DLGAP1: variants seen among roughly 807,000 people sequenced by gnomAD.
The protein encoded by DLGAP1 is DLG associated protein 1.
DLGAP1 carries 11 observed loss-of-function variants against 90.8 expected under a neutral mutation model. The ratio of observed to expected loss-of-function variants is 0.12; its 90% confidence interval spans 0.08 to 0.20. The LOEUF (loss-of-function observed/expected upper bound fraction) is 0.20, where lower values mean the gene tolerates loss of function less well. Among genes scored for constraint, DLGAP1 ranks in the 10% least tolerant of loss-of-function variants. DLGAP1 has a pLI of 1.00. For synonymous variants in DLGAP1, 558 were observed against 540.7 expected (o/e 1.03, Z -0.44); for missense variants, 1,050 against 1,333.8 (o/e 0.79, Z 3.31).
chr18:3,741,021 CACCACCACCACCACCA>C (rs2062911584), intron 6 of DLGAP1, among the ~76,000 whole-genome samples: 2 of 79,620 alleles, frequency 2.5e-5, no homozygotes, highest in Non-Finnish European at 5.1e-5. Context: ...CCACCATCAC[CACCACCACCACCACCA>C]TCACCTCACC....
At chr18:4,376,643 GC>G (rs1337415204) in intron 1 of DLGAP1, among the ~76,000 whole-genome samples, 1 of 152,148 alleles carries the variant, frequency 6.6e-6, no homozygotes, top group African/African-American at 2.4e-5. Flanking sequence ...AGAATAACTG[GC>G]CTTCAGTCTT....
At chr18:3,823,061 G>A (rs1292465598) in intron 4 of DLGAP1, among the ~76,000 whole-genome samples, 5 of 152,182 alleles carry the variant, frequency 3.3e-5, no homozygotes, top group Admixed American at 6.5e-5. Context: ...TAGTGAATAC[G>A]TATAGGTTTA....
At chr18:4,171,229 T>C (rs1466239603) in intron 1 of DLGAP1, among the ~76,000 whole-genome samples, 3 of 152,090 alleles carry the variant, frequency 2.0e-5, no homozygotes. Flanking sequence ...AAGGCCTCTT[T>C]AATTGTTAAA....
intron 1 of DLGAP1, among the ~76,000 whole-genome samples, chr18:4,271,196 C>T (rs754969518): frequency 5.3e-5 from 8 of 152,112 alleles, no homozygotes; most frequent in African/African-American, 4.8e-5. Context: ...GATCCAATCC[C>T]GAGAGGTCCT....
At chr18:4,435,338 C>A (rs2083376730) in intron 1 of DLGAP1, among the ~76,000 whole-genome samples, 1 of 151,902 alleles carries the variant, frequency 6.6e-6, no homozygotes. Context: ...GCTTGAGCAA[C>A]TATAAGGATG....
chr18:4,384,214 T>C (rs1206147175), intron 1 of DLGAP1, among the ~76,000 whole-genome samples: 4 of 152,148 alleles, frequency 2.6e-5, no homozygotes, highest in Non-Finnish European at 5.9e-5. Flanking sequence ...GGGAGGACAT[T>C]TGCAGAGCTA....
chr18:4,253,554 A>G (rs8090526), intron 1 of DLGAP1, among the ~76,000 whole-genome samples: 59,826 of 151,842 alleles, frequency 0.39, 16,602 homozygotes, highest in African/African-American at 0.79. Flanking sequence ...GGGATTACAG[A>G]TGCACACCAC....
At chr18:4,423,850 T>TAA (rs1567910445) in intron 1 of DLGAP1, among the ~76,000 whole-genome samples, 41 of 7,870 alleles carry the variant, frequency 5.2e-3, no homozygotes, top group Admixed American at 0.011. Flanking sequence ...GCCCAGGAAT[T>TAA]TAAAAAAAAA....
chr18:3,833,521 C>T (rs1287379168), intron 4 of DLGAP1, among the ~76,000 whole-genome samples: 1 of 152,158 alleles, frequency 6.6e-6, no homozygotes, highest in Non-Finnish European at 1.5e-5. Context: ...AGGTGTGAGC[C>T]ACCGCATCTG....
chr18:4,173,961 T>A (rs1424703555), intron 1 of DLGAP1, among the ~76,000 whole-genome samples: 1 of 152,180 alleles, frequency 6.6e-6, no homozygotes, highest in Non-Finnish European at 1.5e-5. Context: ...TGTATCACTA[T>A]TTACATAAGT....
rs1213913062 is a variant in DLGAP1, at chr18:3,775,506, T to C, written c.1173-32994A>G. Among the ~76,000 whole-genome samples, 1 of 152,206 alleles carries C rather than the reference T, an allele frequency of 6.6e-6. No individual in the cohort carries two copies. Among genetic ancestry groups the C allele is most frequent in the Non-Finnish European group, 1.5e-5 (1 of 68,050 alleles). ...GCTTCCCTTTCCCCTTCCACCATGA[T>C]TGTAAGTTTCCCGAGGCCTCACCAA... On this transcript the variant is annotated intron_variant, in intron 5 of 12. Coordinates refer to ENST00000315677, the MANE Select transcript of DLGAP1 (RefSeq NM_004746.4). The surrounding 1 kb of genome is among the most constrained non-coding windows in gnomAD (Gnocchi z 4.9).
rs188298198 is a variant in DLGAP1 at position 4,282,661 on chromosome 18, A to C, written c.-266-131374T>G. 6.8e-4 allele frequency among the ~76,000 whole-genome samples: 104 copies of C among 152,342 alleles called. 1 individual carries two copies. In the East Asian group the frequency reaches 0.019, roughly 27 times the overall value. ...AGAGTTTGCCATAGAAGCATTAACA[A>C]ATTTTTATATCTGTTGACAAAACCT... On this transcript the variant is annotated intron_variant, in intron 1 of 12. Transcript: ENST00000315677.
intron 1 of DLGAP1, among the ~76,000 whole-genome samples, chr18:4,421,616 T>A (rs2083033236): frequency 6.6e-6 from 1 of 152,078 alleles, no homozygotes; most frequent in South Asian, 2.1e-4. Context: ...TTTGAAAAAA[T>A]TTAAATTAGC....
At chr18:3,998,947 C>A (rs1285706373) in intron 3 of DLGAP1, among the ~76,000 whole-genome samples, 2 of 152,140 alleles carry the variant, frequency 1.3e-5, no homozygotes, top group Non-Finnish European at 2.9e-5. Context: ...ACTGGACAGA[C>A]AGGCTCAATA....
chr18:3,785,641 C>A (rs1232978184), intron 5 of DLGAP1, among the ~76,000 whole-genome samples: 2 of 152,060 alleles, frequency 1.3e-5, no homozygotes, highest in Non-Finnish European at 2.9e-5. Flanking sequence ...TTTGAATGAA[C>A]CTGGGAGGTA....
intron 7 of DLGAP1, among the ~76,000 whole-genome samples, chr18:3,611,416 G>A (rs780628765): frequency 2.0e-5 from 3 of 152,024 alleles, no homozygotes; most frequent in Non-Finnish European, 4.4e-5. Context: ...AGTCCTGACC[G>A]GCTCTACCAC....
intron 1 of DLGAP1, among the ~76,000 whole-genome samples, chr18:4,291,791 T>G (rs950155533): frequency 6.6e-6 from 1 of 152,176 alleles, no homozygotes; most frequent in Admixed American, 6.5e-5. Context: ...ACTTATAAAT[T>G]TAATGAATAT....
intron 10 of DLGAP1, among the ~76,000 whole-genome samples, chr18:3,533,130 A>C (rs1488436851): frequency 6.6e-6 from 1 of 152,184 alleles, no homozygotes; most frequent in Admixed American, 6.5e-5. Flanking sequence ...CGTCTCTACC[A>C]AAAATACAAA....
chr18:3,512,010 G>A (rs2050571878), intron 10 of DLGAP1, among the ~76,000 whole-genome samples: 1 of 151,974 alleles, frequency 6.6e-6, no homozygotes, highest in Non-Finnish European at 1.5e-5. Flanking sequence ...AAGTTAGAAT[G>A]GGGGTTTTAA....
Sources: gnomAD v4.1 joint callset for allele counts (sites outside exome capture counted in the v4.1 genomes callset) on GRCh38, gnomAD v4.1.1 for gene constraint, Gnocchi (gnomAD v3.1) non-coding constraint, MANE v1.5 for transcripts, NCBI Gene and HGNC (gene_info 2026-07-23, HGNC 2026-07-21) for gene names.